MLIP: variants seen among roughly 807,000 people sequenced by gnomAD.
The protein encoded by MLIP is muscular LMNA-interacting protein.
MLIP carries 79 observed loss-of-function variants against 84.8 expected under a neutral mutation model. That is an observed-to-expected ratio of 0.93 (90% CI 0.78 to 1.12). The LOEUF (loss-of-function observed/expected upper bound fraction) is 1.12. Ranked by LOEUF, MLIP falls within the 50% of genes most tolerant of loss-of-function variation. The pLI is 0.00. For missense variants in MLIP, 1,257 were observed against 1,160.6 expected, an observed-to-expected ratio of 1.08 and a Z score of -1.21; for synonymous variants, 504 against 463.0, an observed-to-expected ratio of 1.09 and a Z score of -1.14.
intron 11 of MLIP, among the ~76,000 whole-genome samples, chr6:54,223,272 G>C (rs187378378): frequency 6.9e-6 from 1 of 145,784 alleles, no homozygotes; most frequent in Admixed American, 7.1e-5. Flanking sequence ...TTTGCTTTTG[G>C]TGTCTGTTCT....
intron 12 of MLIP, among the ~76,000 whole-genome samples, chr6:54,247,826 A>G (rs896017984): frequency 5.0e-4 from 76 of 152,174 alleles, no homozygotes; most frequent in African/African-American, 1.8e-3. Flanking sequence ...TTGGGGGTGT[A>G]CTGCTAGAGG....
intron 4 of MLIP, among the ~76,000 whole-genome samples, chr6:54,141,269 A>C (rs1401832483): frequency 6.7e-6 from 1 of 150,278 alleles, no homozygotes; most frequent in Non-Finnish European, 1.5e-5. Flanking sequence ...CATTATAATC[A>C]TTGCTTTAGA....
At chr6:54,126,822 A>G (rs1770958653) in intron 3 of MLIP, among the ~76,000 whole-genome samples, 1 of 152,140 alleles carries the variant, frequency 6.6e-6, no homozygotes, top group Non-Finnish European at 1.5e-5. Flanking sequence ...TTTCTAGTCT[A>G]CCTGGTGAAA....
chr6:54,252,882 T>C (rs561353484), intron 12 of MLIP, among the ~76,000 whole-genome samples: 2 of 152,284 alleles, frequency 1.3e-5, no homozygotes, highest in South Asian at 2.1e-4. Flanking sequence ...ATAGTTCTAC[T>C]TGAAGGATCT....
intron 1 of MLIP, among the ~76,000 whole-genome samples, chr6:54,112,002 AC>A (rs1346402540): frequency 6.6e-6 from 1 of 152,218 alleles, no homozygotes; most frequent in Non-Finnish European, 1.5e-5. Context: ...TGAGAAGATG[AC>A]GTTCTTAGAG....
intron 1 of MLIP, among the ~76,000 whole-genome samples, chr6:54,057,693 A>G (rs1040442013): frequency 3.3e-5 from 5 of 152,164 alleles, no homozygotes; most frequent in Non-Finnish European, 7.4e-5. Flanking sequence ...TTTCCATTTG[A>G]GATAACTGAT....
chr6:54,171,917 C>G (rs1410414407), intron 9 of MLIP, among the ~76,000 whole-genome samples: 2 of 151,486 alleles, frequency 1.3e-5, no homozygotes, highest in African/African-American at 4.8e-5. Context: ...TGTCTTCAAA[C>G]TTTGGAGAAA....
At chr6:54,178,614 A>G (rs1015823774) in intron 9 of MLIP, among the ~76,000 whole-genome samples, 1 of 152,116 alleles carries the variant, frequency 6.6e-6, no homozygotes, top group Non-Finnish European at 1.5e-5. Context: ...GTTTAAAGAA[A>G]TCTTTCAATT....
At chr6:54,117,773 C>G (rs534280188) in intron 1 of MLIP, among the ~76,000 whole-genome samples, 1 of 151,460 alleles carries the variant, frequency 6.6e-6, no homozygotes, top group Non-Finnish European at 1.5e-5. Flanking sequence ...GGTGAAACCC[C>G]GTCTCTACTA....
intron 1 of MLIP, among the ~76,000 whole-genome samples, chr6:54,093,183 A>G (rs1582121710): frequency 6.6e-6 from 1 of 152,160 alleles, no homozygotes; most frequent in East Asian, 1.9e-4. Flanking sequence ...AGCCCGAGTT[A>G]TTGAATCTTA....
At chr6:54,263,409 A>G (rs2150908514) in intron 13 of MLIP, among the ~76,000 whole-genome samples, 1 of 152,212 alleles carries the variant, frequency 6.6e-6, no homozygotes, top group Admixed American at 6.6e-5. Flanking sequence ...ATAGTTACAT[A>G]AATGCACAAA....
At chr6:54,049,433 G>A (rs1182295797) in intron 1 of MLIP, among the ~76,000 whole-genome samples, 4 of 152,140 alleles carry the variant, frequency 2.6e-5, no homozygotes, top group Non-Finnish European at 5.9e-5. Context: ...TTGCTGGTTC[G>A]TTATGAAGCT....
At chr6:54,265,486 T>C (rs1441249812) in intron 13 of MLIP, among the ~76,000 whole-genome samples, 1 of 152,160 alleles carries the variant, frequency 6.6e-6, no homozygotes, top group East Asian at 1.9e-4. Context: ...TCTTTTGTAA[T>C]GTTCCTTTTT....
At chr6:54,200,968 A>G (rs1028731778) in intron 10 of MLIP, among the ~76,000 whole-genome samples, 2 of 152,198 alleles carry the variant, frequency 1.3e-5, no homozygotes, top group Non-Finnish European at 2.9e-5. Flanking sequence ...AAAAGAGCTA[A>G]TTTACCATTT....
intron 1 of MLIP, chr6:54,040,923 G>C (rs1029557479): frequency 2.0e-5 from 3 of 152,082 alleles, no homozygotes; most frequent in African/African-American, 7.2e-5. Context: ...AGAGGTGGGA[G>C]AGAGGAAGAA....
At chr6:54,093,024 G>T (rs895405334) in intron 1 of MLIP, among the ~76,000 whole-genome samples, 2 of 152,172 alleles carry the variant, frequency 1.3e-5, no homozygotes, top group South Asian at 2.1e-4. Flanking sequence ...TTACAGGCAT[G>T]CACCACCATG....
intron 9 of MLIP, among the ~76,000 whole-genome samples, chr6:54,188,918 A>C (rs1406604499): frequency 3.3e-5 from 5 of 152,196 alleles, no homozygotes; most frequent in Non-Finnish European, 7.3e-5. Context: ...TTATGCCAAC[A>C]ACAACAAAAG....
intron 11 of MLIP, among the ~76,000 whole-genome samples, chr6:54,227,343 C>A (rs1780646628): frequency 1.3e-5 from 2 of 151,938 alleles, no homozygotes; most frequent in African/African-American, 4.8e-5. Flanking sequence ...ACCTCTCAAG[C>A]TGATGAGCAA....
chr6:54,183,489 C>T (rs960890097), intron 9 of MLIP, among the ~76,000 whole-genome samples: 8 of 151,982 alleles, frequency 5.3e-5, no homozygotes, highest in African/African-American at 1.7e-4. Flanking sequence ...GGGAAGGTGC[C>T]TTATTTCAGA....
Sources: allele counts gnomAD v4.1 joint callset (sites outside exome capture counted in the v4.1 genomes callset), GRCh38; gene constraint gnomAD v4.1.1; transcripts MANE v1.5; gene names NCBI Gene and HGNC (gene_info 2026-07-23, HGNC 2026-07-21).